ATF6: variants seen among roughly 807,000 people sequenced by gnomAD.
ATF6 encodes the protein cyclic AMP-dependent transcription factor ATF-6 alpha.
Under a neutral mutation model 83.6 loss-of-function variants are expected in ATF6, and 53 were observed. The observed-to-expected ratio is 0.63, with a 90% CI of 0.51 to 0.80. The LOEUF is 0.80. Among genes scored for constraint, ATF6 ranks in the 30% least tolerant of loss-of-function variants. ATF6 has a pLI of 0.00. For synonymous variants in ATF6, 288 were observed against 285.8 expected (o/e 1.01, Z -0.08); for missense variants, 744 against 797.9 (o/e 0.93, Z 0.81).
chr1:161,771,206 CCCT>C (rs754413089), intron 1 of ATF6, among the ~76,000 whole-genome samples: 37 of 151,860 alleles, frequency 2.4e-4, no homozygotes, highest in African/African-American at 8.2e-4. Context: ...CTTCTTTCTT[CCCT>C]CCTCCTCCTC....
At position 161,960,725 on chromosome 1, in the gene ATF6, C is replaced by T. The variant is rs1000414926; in HGVS notation, c.*2071C>T. 6.6e-6 allele frequency: 1 copy of T among 152,246 alleles called. No individual in the cohort carries two copies. Among genetic ancestry groups the T allele is most frequent in the Non-Finnish European group, 1.5e-5 (1 of 68,072 alleles). 9.4% of individuals were successfully genotyped at this position (152,246 alleles called of 1,614,324 possible). A position where few individuals can be genotyped will look rare whatever the true frequency, so the allele number is the denominator to read the frequency against. ...TCCTGGGTGATTTTCAGACAAGAACCATTTTCTCTGGGGACCATTCTTCTG... is the reference window on the plus strand; with the variant it reads ...TCCTGGGTGATTTTCAGACAAGAACTATTTTCTCTGGGGACCATTCTTCTG... On this transcript the variant is annotated 3_prime_UTR_variant, in exon 16 of 16. Transcript: ENST00000367942.
At chr1:161,894,106 ATAAACT>A (rs1315101796) in intron 14 of ATF6, among the ~76,000 whole-genome samples, 7 of 152,132 alleles carry the variant, frequency 4.6e-5, no homozygotes, top group Non-Finnish European at 5.9e-5. Flanking sequence ...TTTTATAATA[ATAAACT>A]TAGGAACTGG....
intron 14 of ATF6, among the ~76,000 whole-genome samples, chr1:161,867,061 G>A (rs1218415519): frequency 6.6e-6 from 1 of 152,148 alleles, no homozygotes; most frequent in East Asian, 1.9e-4. Flanking sequence ...TTGGGAGGCC[G>A]AGGCGGGTGG....
rs60069049 is a variant in ATF6 at position 161,774,406 on chromosome 1, T to TACAC, written c.83-3810_83-3807dup. ...GAGAAGTAGTTGGATTATGGATATGTACACACACACACACACACACACACA... is the reference window on the plus strand; with the variant it reads ...GAGAAGTAGTTGGATTATGGATATGTACACACACACACACACACACACACACACA... On this transcript the variant is annotated intron_variant, in intron 1 of 15. Coordinates refer to ENST00000367942, the MANE Select transcript of ATF6 (RefSeq NM_007348.4). Among the ~76,000 whole-genome samples the TACAC allele has an allele frequency of 7.6e-3, 1,135 of 148,518 alleles. 6 individuals are homozygous for TACAC. Among genetic ancestry groups the TACAC allele is most frequent in the African/African-American group, 0.015 (606 of 40,242 alleles).
chr1:161,851,729 C>T lies in ATF6; in HGVS notation c.1327C>T (p.His443Tyr). 6.2e-7 allele frequency: 1 copy of T among 1,611,808 alleles called. No homozygotes were observed. The highest frequency in any genetic ancestry group is 8.5e-7 in the Non-Finnish European group (1 of 1,178,346). Reference protein sequence around the residue: ...IIQKNSYRYDHSVSNDKALMV... With the variant: ...IIQKNSYRYDYSVSNDKALMV... The stretch of plus-strand genomic sequence containing the variant: ...TGTGCATCCATGTTTCAGATATGAT[C>T]ATTCTGTTTCAAATGACAAAGCCCT... Residue 443 changes from histidine to tyrosine, a missense_variant, in exon 11 of 16, where the codon CAT (histidine) becomes TAT (tyrosine). Coordinates refer to ENST00000367942, the MANE Select transcript of ATF6 (RefSeq NM_007348.4).
At chr1:161,856,104 C>T (rs1211217714) in intron 12 of ATF6, among the ~76,000 whole-genome samples, 3 of 152,126 alleles carry the variant, frequency 2.0e-5, no homozygotes, top group Non-Finnish European at 4.4e-5. Flanking sequence ...TATTTCCTGA[C>T]TAATTGGAAG....
At chr1:161,807,412 A>G (rs778409572) in intron 7 of ATF6, among the ~76,000 whole-genome samples, 1 of 152,216 alleles carries the variant, frequency 6.6e-6, no homozygotes, top group Non-Finnish European at 1.5e-5. Flanking sequence ...CTCAGAAGAT[A>G]AATAATGAAT....
intron 9 of ATF6, among the ~76,000 whole-genome samples, chr1:161,838,835 T>C (rs1686284009): frequency 6.6e-6 from 1 of 152,224 alleles, no homozygotes; most frequent in South Asian, 2.1e-4. Flanking sequence ...GGTTCTTTTA[T>C]CTTGACTTGA....
intron 15 of ATF6, among the ~76,000 whole-genome samples, chr1:161,953,401 A>C (rs1688905770): frequency 6.6e-6 from 1 of 152,156 alleles, no homozygotes; most frequent in Non-Finnish European, 1.5e-5. Flanking sequence ...GTTTTTACAT[A>C]CACTGTTCTA....
intron 14 of ATF6, among the ~76,000 whole-genome samples, chr1:161,870,263 A>G (rs771134627): frequency 4.0e-5 from 6 of 151,856 alleles, no homozygotes; most frequent in Non-Finnish European, 7.4e-5. Flanking sequence ...AAGTACTTTA[A>G]TAGATTATGC....
At chr1:161,935,123 T>C (rs1355283376) in intron 15 of ATF6, among the ~76,000 whole-genome samples, 2 of 152,226 alleles carry the variant, frequency 1.3e-5, no homozygotes, top group African/African-American at 4.8e-5. Flanking sequence ...TTCCATGTTG[T>C]TAATAAGAAT....
intron 9 of ATF6, among the ~76,000 whole-genome samples, chr1:161,824,997 T>C (rs999201261): frequency 3.3e-5 from 5 of 152,246 alleles, no homozygotes; most frequent in Non-Finnish European, 7.3e-5. Context: ...GTGGATTTTC[T>C]ACACTGAGCA....
chr1:161,863,173 A>T, intron 13 of ATF6, 25 bp from the exon 14 acceptor site: 4 of 1,374,586 alleles, frequency 2.9e-6, no homozygotes, highest in Non-Finnish European at 4.1e-6. Flanking sequence ...TATTTTAGTA[A>T]TACCTTATAT....
intron 15 of ATF6, among the ~76,000 whole-genome samples, chr1:161,913,883 G>A (rs926360981): frequency 6.6e-6 from 1 of 152,088 alleles, no homozygotes; most frequent in Non-Finnish European, 1.5e-5. Flanking sequence ...TCTGATATTG[G>A]GTTCTTATGC....
rs565632055 is a variant in ATF6, at chr1:161,791,106, C to CTGTG, written c.355-278_355-275dup. Among the ~76,000 whole-genome samples, 668 of 120,796 alleles carry CTGTG rather than the reference C, an allele frequency of 5.5e-3. 2 individuals are homozygous for CTGTG. Among genetic ancestry groups the CTGTG allele is most frequent in the East Asian group, 0.025 (110 of 4,458 alleles). 79.2% of individuals were successfully genotyped at this position (120,796 alleles called of 152,430 possible). On this transcript the variant is annotated intron_variant, in intron 4 of 15. Coordinates refer to ENST00000367942, the MANE Select transcript of ATF6 (RefSeq NM_007348.4). ...TGTCTCTGTGTGTGTGTGTGTGTCT[C>CTGTG]TGTGTGTGTGTGTGTGTGTGTGTGT...
At chr1:161,948,655 A>G (rs1458985479) in intron 15 of ATF6, among the ~76,000 whole-genome samples, 1 of 152,246 alleles carries the variant, frequency 6.6e-6, no homozygotes, top group African/African-American at 2.4e-5. Context: ...GATTGAATTC[A>G]CGATCTCAGA....
At chr1:161,812,366 ATTTTC>A (rs1685491974) in intron 7 of ATF6, among the ~76,000 whole-genome samples, 2 of 37,536 alleles carry the variant, frequency 5.3e-5, no homozygotes, top group Non-Finnish European at 1.1e-4. Context: ...GGGAGCAGGT[ATTTTC>A]TTTTTTTTTT....
chr1:161,953,456 A>G (rs1291678040), intron 15 of ATF6, among the ~76,000 whole-genome samples: 1 of 152,102 alleles, frequency 6.6e-6, no homozygotes, highest in Non-Finnish European at 1.5e-5. Flanking sequence ...TAGATCATCT[A>G]ACTAGACAAG....
chr1:161,868,174 A>T (rs1176102911), intron 14 of ATF6, among the ~76,000 whole-genome samples: 2 of 152,024 alleles, frequency 1.3e-5, no homozygotes, highest in Non-Finnish European at 2.9e-5. Flanking sequence ...TTTTTTTTAC[A>T]CTTTACTGAT....
Sources: gnomAD v4.1 joint callset for allele counts (sites outside exome capture counted in the v4.1 genomes callset) on GRCh38, gnomAD v4.1.1 for gene constraint, MANE v1.5 for transcripts, NCBI Gene and HGNC (gene_info 2026-07-23, HGNC 2026-07-21) for gene names.